The following CAPN9 variants were observed in gnomAD, a reference collection of about 807,000 sequenced individuals.
CAPN9 encodes the protein calpain-9.
Under a neutral mutation model 92.8 loss-of-function variants are expected in CAPN9, and 81 were observed. The ratio of observed to expected loss-of-function variants is 0.87; its 90% CI spans 0.73 to 1.05. The LOEUF is 1.05. Among genes scored for constraint, CAPN9 ranks in the 50% least tolerant of loss-of-function variants. CAPN9 has a pLI of 0.00. For synonymous variants in CAPN9, 304 were observed against 328.0 expected (o/e 0.93, Z 0.79); for missense variants, 848 against 866.2 (o/e 0.98, Z 0.26).
intron 13 of CAPN9, 105 bp from the exon 14 acceptor site, chr1:230,790,027 G>A (rs1429160472): frequency 2.3e-6 from 2 of 881,706 alleles, no homozygotes; most frequent in Admixed American, 2.1e-5. Context: ...CTGAAGGCTG[G>A]TCTGTCACTG....
chr1:230,773,304 G>A (rs1039182243), intron 7 of CAPN9, among the ~76,000 whole-genome samples: 1 of 152,164 alleles, frequency 6.6e-6, no homozygotes, highest in East Asian at 1.9e-4. Context: ...GATGGGTTGA[G>A]GAGGAAAGAG....
rs1312484072 is a variant in CAPN9 at position 230,800,246 on chromosome 1, G to GAAAGAA, written c.2047-1322_2047-1317dup. Among the ~76,000 whole-genome samples, 17 of 80,252 alleles carry GAAAGAA rather than the reference G, an allele frequency of 2.1e-4. No homozygotes were observed. The South Asian group carries it at 2.3e-3, about 11-fold the overall frequency. The allele number at this position is 80,252 out of a possible 152,430, so 52.6% of individuals were successfully genotyped here. ...AAGAAAGAAAGAAGAAAGAAAGAAA[G>GAAAGAA]AAAGAAAGAAAGAAAGAAAGAAAGA... is the stretch of plus-strand genomic sequence containing the variant. On this transcript the variant is annotated intron_variant, in intron 19 of 19. Transcript: ENST00000271971.
chr1:230,752,449 C>T (rs1427691163), intron 1 of CAPN9, among the ~76,000 whole-genome samples: 1 of 152,198 alleles, frequency 6.6e-6, no homozygotes, highest in African/African-American at 2.4e-5. Context: ...TTTTTCTCCT[C>T]ATTGGGTGCG....
intron 8 of CAPN9, among the ~76,000 whole-genome samples, chr1:230,775,713 T>C (rs1289348361): frequency 6.6e-6 from 1 of 152,040 alleles, no homozygotes; most frequent in Non-Finnish European, 1.5e-5. Flanking sequence ...GTCAGGAGAT[T>C]GAAACCATCC....
chr1:230,791,752 A>T (rs1668003351), intron 14 of CAPN9, 112 bp from the exon 15 acceptor site: 3 of 743,366 alleles, frequency 4.0e-6, no homozygotes, highest in Non-Finnish European at 4.7e-6. Flanking sequence ...GAGTAGCCAC[A>T]TCACAGCCCC....
chr1:230,778,547 A>T (rs1666980534), intron 8 of CAPN9, among the ~76,000 whole-genome samples: 1 of 152,054 alleles, frequency 6.6e-6, no homozygotes, highest in Non-Finnish European at 1.5e-5. Flanking sequence ...TTCTGTGAGC[A>T]CCTCAAGCAC....
At chr1:230,756,245 C>T (rs1211429961) in intron 2 of CAPN9, among the ~76,000 whole-genome samples, 1 of 151,876 alleles carries the variant, frequency 6.6e-6, no homozygotes, top group African/African-American at 2.4e-5. Context: ...ATCCTAAACA[C>T]AAGATCCAAA....
At chr1:230,786,697 A>C (rs1667610988) in intron 12 of CAPN9, among the ~76,000 whole-genome samples, 1 of 152,226 alleles carries the variant, frequency 6.6e-6, no homozygotes, top group Admixed American at 6.5e-5. Context: ...ATTTTGACTC[A>C]ATAACTTTCA....
intron 16 of CAPN9, 112 bp downstream of exon 16, chr1:230,792,606 G>A (rs561182575): frequency 1.7e-5 from 15 of 870,312 alleles, no homozygotes; most frequent in African/African-American, 1.2e-4. Flanking sequence ...AATTGTATTC[G>A]GACAGGGGAG....
chr1:230,781,231 C>T (rs1406152887), intron 11 of CAPN9, among the ~76,000 whole-genome samples: 2 of 152,232 alleles, frequency 1.3e-5, no homozygotes, highest in South Asian at 2.1e-4. Flanking sequence ...TCTGCTCCCT[C>T]GCTCCCTCAA....
intron 3 of CAPN9, among the ~76,000 whole-genome samples, chr1:230,762,299 A>G (rs955371102): frequency 6.6e-6 from 1 of 152,210 alleles, no homozygotes; most frequent in Admixed American, 6.5e-5. Flanking sequence ...CCACGTTACC[A>G]TTCTCCCTCC....
intron 19 of CAPN9, among the ~76,000 whole-genome samples, chr1:230,798,449 G>A (rs1668483983): frequency 6.6e-6 from 1 of 152,172 alleles, no homozygotes; most frequent in African/African-American, 2.4e-5. Flanking sequence ...ATTTTGCAGG[G>A]TGGAAACTGA....
chr1:230,774,735 C>CTT, intron 8 of CAPN9, 104 bp downstream of exon 8: 1 of 588,132 alleles, frequency 1.7e-6, no homozygotes, highest in Non-Finnish European at 2.9e-6. Context: ...TTCTTTCTTT[C>CTT]TTTCTTTTTT....
Position 230,801,902 on chromosome 1 carries a change from A to C in CAPN9, c.*306A>C. On this transcript the variant is annotated 3_prime_UTR_variant, in exon 20 of 20. Transcript: ENST00000271971. Reference sequence around the variant, plus strand: ...TCCTTATTTCCTTCCATTAAGAATTACTCAGAGTTCTAACGCACAGAATCC... The same window carrying C: ...TCCTTATTTCCTTCCATTAAGAATTCCTCAGAGTTCTAACGCACAGAATCC... 1 of 431,094 alleles carries C rather than the reference A, an allele frequency of 2.3e-6. No individual in the cohort carries two copies. The highest frequency in any genetic ancestry group is 4.2e-6 in the Non-Finnish European group (1 of 239,060). 26.7% of individuals were successfully genotyped at this position (431,094 alleles called of 1,614,324 possible).
chr1:230,760,309 T>C (rs1287295772), intron 3 of CAPN9, among the ~76,000 whole-genome samples: 1 of 152,116 alleles, frequency 6.6e-6, no homozygotes, highest in Non-Finnish European at 1.5e-5. Flanking sequence ...TACACTCGTC[T>C]GAAAAAAGGA....
chr1:230,774,743 T>TTTC (rs1553260384), intron 8 of CAPN9, 112 bp downstream of exon 8: 103 of 445,376 alleles, frequency 2.3e-4, no homozygotes, highest in East Asian at 1.6e-3. Flanking sequence ...TTCTTTCTTT[T>TTTC]TTTTTTTTTT....
intron 19 of CAPN9, among the ~76,000 whole-genome samples, chr1:230,800,303 AAAGG>A (rs879605365): frequency 0.16 from 10,952 of 68,372 alleles, 1,371 homozygotes; most frequent in Middle Eastern, 0.21. Flanking sequence ...AGAAAGAAAG[AAAGG>A]AAAAACAAGA....
chr1:230,774,879 G>A (rs1231976674), intron 8 of CAPN9, among the ~76,000 whole-genome samples: 2 of 151,558 alleles, frequency 1.3e-5, no homozygotes, highest in African/African-American at 4.9e-5. Flanking sequence ...GCAGCTGAGA[G>A]TACAGGCATG....
intron 4 of CAPN9, among the ~76,000 whole-genome samples, chr1:230,765,149 T>C (rs1665891792): frequency 6.6e-6 from 1 of 151,484 alleles, no homozygotes. Flanking sequence ...CATACATATA[T>C]ACATACATAC....
Sources: allele counts gnomAD v4.1 joint callset (sites outside exome capture counted in the v4.1 genomes callset), GRCh38; gene constraint gnomAD v4.1.1; transcripts MANE v1.5; gene names NCBI Gene and HGNC (gene_info 2026-07-23, HGNC 2026-07-21).